Variants in CFAP99 observed in about 807,000 individuals in gnomAD.
CFAP99 encodes cilia- and flagella-associated protein 99.
In CFAP99, 84 loss-of-function variants were observed where a neutral mutation model predicts 82.7. The ratio of observed to expected loss-of-function variants is 1.02; its 90% CI spans 0.85 to 1.22. The LOEUF (loss-of-function observed/expected upper bound fraction) is 1.22. Among genes scored for constraint, CFAP99 ranks in the 50% most tolerant of loss-of-function variants. The pLI, the probability that CFAP99 is intolerant of heterozygous loss-of-function variation, is 0.00. For synonymous variants in CFAP99, 456 were observed against 429.5 expected, an observed-to-expected ratio of 1.06 and a Z score of -0.76; for missense variants, 1,059 against 983.5, an observed-to-expected ratio of 1.08 and a Z score of -1.03.
intron 2 of CFAP99, 70 bp downstream of exon 2, chr4:2,426,656 G>A: frequency 3.1e-6 from 3 of 959,714 alleles, no homozygotes; most frequent in Non-Finnish European, 4.8e-6. Context: ...CTGGTTAACA[G>A]CATCAAATGC....
chr4:2,426,425 T>C, intron 1 of CFAP99, 34 bp from the exon 2 acceptor site: 1 of 1,334,638 alleles, frequency 7.5e-7, no homozygotes, highest in South Asian at 1.3e-5. Context: ...ACATCCCAGG[T>C]GTGGAGGGCG....
chr4:2,429,747 A>G (rs1034694139), intron 2 of CFAP99, among the ~76,000 whole-genome samples: 1 of 151,890 alleles, frequency 6.6e-6, no homozygotes, highest in Admixed American at 6.6e-5. Flanking sequence ...GCCCGCCACC[A>G]CGCCCAGCTA....
chr4:2,445,155 G>C (rs1478409385), exon 6 of CFAP99: 1 of 1,398,614 alleles, frequency 7.1e-7, no homozygotes, highest in Non-Finnish European at 9.2e-7. Flanking sequence ...TCCAGGAGCT[G>C]ATCAACCACC....
chr4:2,452,211 G>A (rs778988132), exon 11 of CFAP99: 19 of 1,536,034 alleles, frequency 1.2e-5, no homozygotes, highest in Non-Finnish European at 1.4e-5. Context: ...AGATGCAGGC[G>A]AAGGACCGGG....
At chr4:2,461,114 T>C (rs1057197714) in intron 14 of CFAP99, among the ~76,000 whole-genome samples, 9 of 152,218 alleles carry the variant, frequency 5.9e-5, no homozygotes, top group African/African-American at 1.9e-4. Flanking sequence ...ATAGCTCGTT[T>C]GCATGCACAC....
chr4:2,428,836 AC>A (rs1445344076), intron 2 of CFAP99: 1 of 152,046 alleles, frequency 6.6e-6, no homozygotes, highest in Non-Finnish European at 1.5e-5. Flanking sequence ...TCCATCCTTG[AC>A]CTCTCCCGAG....
At chr4:2,423,561 T>C (rs1256238054) in intron 1 of CFAP99, among the ~76,000 whole-genome samples, 3 of 152,138 alleles carry the variant, frequency 2.0e-5, no homozygotes, top group African/African-American at 4.8e-5. Flanking sequence ...CTCTCTTCCA[T>C]GGCCCAGCCT....
At chr4:2,443,286 A>G in intron 5 of CFAP99, 44 bp downstream of exon 5, 1 of 1,309,582 alleles carries the variant, frequency 7.6e-7, no homozygotes, top group Non-Finnish European at 1.1e-6. Flanking sequence ...TGGCATCTGC[A>G]CCCCATTCCA....
At chr4:2,426,002 G>A (rs1017678654) in intron 1 of CFAP99, among the ~76,000 whole-genome samples, 13 of 152,212 alleles carry the variant, frequency 8.5e-5, no homozygotes, top group African/African-American at 2.7e-4. Context: ...CTCCCCAGCA[G>A]GGCCTGATGA....
chr4:2,462,743 C>T lies in CFAP99; in HGVS notation c.1962C>T (p.Tyr654=), dbSNP rs985765463. The stretch of plus-strand genomic sequence containing the variant: ...GGGTCCGGTCCGCGGCCGGGAGATA[C>T]GCAGCGGCGGGCGCGGGAGGCGGTG... Residue 654 remains tyrosine, a synonymous_variant, in exon 15 of 15, where the codon TAC becomes TAT. Transcript: ENST00000635017. This position sits in a 1 kb window ranked among gnomAD's most constrained non-coding sequence, Gnocchi z 4.1. 3 of 1,238,906 alleles carry T rather than the reference C, an allele frequency of 2.4e-6. No individual in the cohort carries two copies. The highest frequency in any genetic ancestry group is 3.4e-5 in the East Asian group (1 of 29,838). The allele number at this position is 1,238,906 out of a possible 1,614,324, so 76.7% of individuals were successfully genotyped here.
In CFAP99 at chr4:2,426,498, T is replaced by C. The variant is rs544571013; in HGVS notation, c.23T>C (p.Ile8Thr). 1.5e-5 allele frequency: 23 copies of C among 1,536,012 alleles called. No homozygotes were observed. The highest frequency in any genetic ancestry group is 4.9e-5 in the East Asian group (2 of 40,904). ...AAGATGGCCTACTATGGAAAATGCA[T>C]TGAAACTGTGATCGAGCAACTCGAC... The change falls in exon 2 of 15, where the codon ATT becomes ACT. Residue 8 changes from isoleucine to threonine, a missense_variant. By Grantham distance (89) the Ile-to-Thr change is moderately conservative. Transcript: ENST00000635017.
chr4:2,443,969 C>T (rs1490905983), intron 5 of CFAP99, among the ~76,000 whole-genome samples: 1 of 152,088 alleles, frequency 6.6e-6, no homozygotes, highest in Non-Finnish European at 1.5e-5. Context: ...ACTTTTTCTT[C>T]CTAAGGACAG....
chr4:2,456,663 G>A (rs1221418891), intron 11 of CFAP99, among the ~76,000 whole-genome samples: 1 of 152,032 alleles, frequency 6.6e-6, no homozygotes, highest in South Asian at 2.1e-4. Flanking sequence ...GGGATTACAG[G>A]CATGCACCAT....
At chr4:2,461,516 C>T (rs1468598730) in intron 14 of CFAP99, among the ~76,000 whole-genome samples, 3 of 152,196 alleles carry the variant, frequency 2.0e-5, no homozygotes, top group Non-Finnish European at 2.9e-5. Context: ...TGGCTGCCCA[C>T]CAGCTCCCCA....
At chr4:2,442,500 G>A (rs1309992687) in intron 4 of CFAP99, among the ~76,000 whole-genome samples, 1 of 152,068 alleles carries the variant, frequency 6.6e-6, no homozygotes, top group Non-Finnish European at 1.5e-5. Flanking sequence ...GGCCCTGCCT[G>A]GCCGGCACAC....
In CFAP99 at chr4:2,462,198, A is replaced by G. The variant is rs1000111453; in HGVS notation, c.1662-245A>G. 5.2e-6 allele frequency: 2 copies of G among 383,528 alleles called. No homozygotes were observed. The highest frequency in any genetic ancestry group is 4.2e-5 in the African/African-American group (2 of 47,630). The allele number at this position is 383,528 out of a possible 1,614,324, so 23.8% of individuals were successfully genotyped here. On this transcript the variant is annotated intron_variant, in intron 14 of 14. Coordinates refer to ENST00000635017, the Ensembl canonical transcript of CFAP99. The surrounding 1 kb of genome is among the most constrained non-coding windows in gnomAD (Gnocchi z 4.1). ...AACAACAACAAAAATTAAAGAAAAGAAAAAAAGAGCAAAAGGGTAGATAGA... is the reference window on the plus strand; with the variant it reads ...AACAACAACAAAAATTAAAGAAAAGGAAAAAAGAGCAAAAGGGTAGATAGA...
At chr4:2,433,803 T>A (rs1203768) in intron 2 of CFAP99, among the ~76,000 whole-genome samples, 1 of 151,930 alleles carries the variant, frequency 6.6e-6, no homozygotes, top group East Asian at 1.9e-4. Context: ...CCGGGAGGAG[T>A]TCTCAGGCAG....
chr4:2,437,159 T>A (rs896496376), intron 3 of CFAP99, 141 bp downstream of exon 3: 7 of 1,018,998 alleles, frequency 6.9e-6, no homozygotes, highest in Non-Finnish European at 9.9e-6. Flanking sequence ...TCCCGGCTCC[T>A]CACCTCACTT....
At chr4:2,456,063 C>A (rs1270361988) in intron 11 of CFAP99, among the ~76,000 whole-genome samples, 2 of 152,138 alleles carry the variant, frequency 1.3e-5, no homozygotes, top group Non-Finnish European at 2.9e-5. Context: ...TGGGGTCTAC[C>A]TGAATGTTCT....
Sources: gnomAD v4.1 joint callset for allele counts (sites outside exome capture counted in the v4.1 genomes callset) on GRCh38, gnomAD v4.1.1 for gene constraint, Gnocchi (gnomAD v3.1) non-coding constraint, MANE v1.5 for transcripts, NCBI Gene and HGNC (gene_info 2026-07-23, HGNC 2026-07-21) for gene names.